PRIMPOL: variants seen among roughly 807,000 people sequenced by gnomAD.
PRIMPOL encodes the protein DNA-directed primase/polymerase protein.
Under a neutral mutation model 63.6 loss-of-function variants are expected in PRIMPOL, and 54 were observed. That is an observed-to-expected ratio of 0.85 (90% CI 0.68 to 1.07). The LOEUF (loss-of-function observed/expected upper bound fraction) is 1.07, where lower values mean the gene tolerates loss of function less well. Ranked by LOEUF, PRIMPOL falls within the 50% of genes least tolerant of loss-of-function variation. The probability of loss-of-function intolerance (pLI) is 0.00; values close to 1 mark genes in which losing one functional copy is unlikely to be tolerated. For synonymous variants in PRIMPOL, 197 were observed against 220.2 expected, an observed-to-expected ratio of 0.89 and a Z score of 0.93; for missense variants, 610 against 648.3, an observed-to-expected ratio of 0.94 and a Z score of 0.64.
At position 184,688,159 on chromosome 4, in the gene PRIMPOL, A is replaced by G. The variant is rs374128954; in HGVS notation, c.1295+2475A>G. 1.5e-4 allele frequency among the ~76,000 whole-genome samples: 23 copies of G among 152,184 alleles called. No individual in the cohort carries two copies. In the East Asian group the frequency reaches 3.3e-3, roughly 22 times the overall value. ...GGGAACCGTGTTGTACATATCACCT[A>G]GTATACATGTGCTAGAGTTTCTCAA... On this transcript the variant is annotated intron_variant, in intron 11 of 13. Coordinates refer to ENST00000314970, the MANE Select transcript of PRIMPOL (RefSeq NM_152683.4).
intron 7 of PRIMPOL, among the ~76,000 whole-genome samples, chr4:184,674,990 ACTCGAGGTT>A (rs1752903044): frequency 6.6e-6 from 1 of 152,252 alleles, no homozygotes; most frequent in South Asian, 2.1e-4. Flanking sequence ...CCATGGTGTT[ACTCGAGGTT>A]TACAATATCG....
chr4:184,674,050 T>C (rs1414855419), intron 7 of PRIMPOL, among the ~76,000 whole-genome samples: 1 of 152,124 alleles, frequency 6.6e-6, no homozygotes, highest in Non-Finnish European at 1.5e-5. Flanking sequence ...TAACAGGAAG[T>C]TGATCCAGGG....
At chr4:184,688,636 G>A (rs2178095) in intron 11 of PRIMPOL, among the ~76,000 whole-genome samples, 11,537 of 152,264 alleles carry the variant, frequency 0.076, 445 homozygotes, top group Middle Eastern at 0.13. Context: ...ACAGCAGGAA[G>A]CACCGAGGTT....
At chr4:184,691,230 C>A in intron 11 of PRIMPOL, 1 of 307,658 alleles carries the variant, frequency 3.3e-6, no homozygotes, top group Non-Finnish European at 5.9e-6. Context: ...ACATATTTTG[C>A]AGCTGTATTA....
At chr4:184,651,290 C>CAAAAAAAAAAAAAAAAAAAAA (rs1203681677) in intron 1 of PRIMPOL, among the ~76,000 whole-genome samples, 1 of 143,930 alleles carries the variant, frequency 6.9e-6, no homozygotes, top group African/African-American at 2.8e-5. Flanking sequence ...GACTCTGTCT[C>CAAAAAAAAAAAAAAAAAAAAA]AAAAAAAAGA....
rs748926386 is a variant in PRIMPOL at position 184,649,784 on chromosome 4, G to A, written c.-262G>A. ...CTTCCGCTCCCAGCGCGGGATTCTGGAGGGAAATTGAGGGAGACTTGGAAA... is the reference window on the plus strand; with the variant it reads ...CTTCCGCTCCCAGCGCGGGATTCTGAAGGGAAATTGAGGGAGACTTGGAAA... On this transcript the variant is annotated 5_prime_UTR_variant, in exon 1 of 14. Transcript: ENST00000314970. 6.6e-6 allele frequency: 1 copy of A among 152,396 alleles called. No homozygotes were observed. Among genetic ancestry groups the A allele is most frequent in the African/African-American group, 2.4e-5 (1 of 41,464 alleles). The allele number at this position is 152,396 out of a possible 1,614,324, so 9.4% of individuals were successfully genotyped here. A position where few individuals can be genotyped will look rare whatever the true frequency, so the allele number is the denominator to read the frequency against.
intron 7 of PRIMPOL, among the ~76,000 whole-genome samples, chr4:184,674,258 A>G (rs1387280970): frequency 1.3e-5 from 2 of 152,194 alleles, no homozygotes; most frequent in Admixed American, 1.3e-4. Context: ...TCCTTGGAAA[A>G]GTTCAGAGAT....
Position 184,691,713 on chromosome 4 carries a change from G to T in PRIMPOL, c.1425+1G>T. 3 of 1,608,390 alleles carry T rather than the reference G, an allele frequency of 1.9e-6. No homozygotes were observed. The highest frequency in any genetic ancestry group is 8.5e-7 in the Non-Finnish European group (1 of 1,176,804). On this transcript the variant is annotated splice_donor_variant, in intron 13 of 13. Transcript: ENST00000314970. LOFTEE classifies it high-confidence loss of function. ...ATGTCTCCTGTTTCTTTTCAAAGAG[G>T]TAAGTACAGATTTTAGTGTCTTTCT...
Position 184,661,862 on chromosome 4 carries a change from C to T in PRIMPOL, c.367C>T (p.Pro123Ser), listed in dbSNP as rs781332058. The change falls in exon 5 of 14, where the codon CCA (proline) becomes TCA (serine). Residue 123 changes from proline to serine, a missense_variant. Around this residue, in one of 3 missense-constraint regions of PRIMPOL, gnomAD observed 159 missense variants for 168.9 expected, o/e 0.94. Coordinates refer to ENST00000314970, the MANE Select transcript of PRIMPOL (RefSeq NM_152683.4). ...FDLEFNKPAN[P>S]GADGKKMVAL... ...TTTGGAATTTAACAAACCTGCCAAC[C>T]CAGGAGCTGATGGGAAAAAGATGGT... The T allele has an allele frequency of 4.3e-6, 7 of 1,613,592 alleles. No homozygotes were observed. The East Asian group carries it at 1.6e-4, about 36-fold the overall frequency.
intron 2 of PRIMPOL, among the ~76,000 whole-genome samples, chr4:184,652,822 A>T (rs1744941242): frequency 6.6e-6 from 1 of 151,652 alleles, no homozygotes; most frequent in Non-Finnish European, 1.5e-5. Context: ...GAGTTGGGGA[A>T]TAGGAATTGA....
intron 6 of PRIMPOL, among the ~76,000 whole-genome samples, chr4:184,671,179 A>C (rs1403795179): frequency 6.6e-6 from 1 of 152,224 alleles, no homozygotes; most frequent in Non-Finnish European, 1.5e-5. Context: ...GTTGAAGTGC[A>C]GTAAATGTAT....
chr4:184,684,609 G>C (rs1406045327), intron 9 of PRIMPOL, among the ~76,000 whole-genome samples: 1 of 152,166 alleles, frequency 6.6e-6, no homozygotes, highest in Non-Finnish European at 1.5e-5. Context: ...GTATTGCCAG[G>C]AAAGCAATGG....
chr4:184,688,416 A>G (rs936260729), intron 11 of PRIMPOL, among the ~76,000 whole-genome samples: 12 of 152,234 alleles, frequency 7.9e-5, no homozygotes, highest in African/African-American at 2.9e-4. Flanking sequence ...CTGATTACTA[A>G]TGAAGTTGAG....
At chr4:184,667,361 A>T (rs59223034) in intron 6 of PRIMPOL, among the ~76,000 whole-genome samples, 1 of 151,646 alleles carries the variant, frequency 6.6e-6, no homozygotes, top group African/African-American at 2.4e-5. Context: ...CCCAGGCTGG[A>T]GTGCAGTGGC....
Position 184,661,855 on chromosome 4 carries a change from T to C in PRIMPOL, c.360T>C (p.Pro120=), listed in dbSNP as rs751350045. The C allele has an allele frequency of 1.2e-6, 2 of 1,613,866 alleles. No individual in the cohort carries two copies. The highest frequency in any genetic ancestry group is 1.7e-6 in the Non-Finnish European group (2 of 1,179,756). The change falls in exon 5 of 14, where the codon CCT becomes CCC. Residue 120 remains proline, a synonymous_variant. Transcript: ENST00000314970. The part of the protein sequence containing the change: ...KLYFDLEFNK[P]ANPGADGKKM... ...ATTTTGATTTGGAATTTAACAAACCTGCCAACCCAGGAGCTGATGGGAAAA... is the reference window on the plus strand; with the variant it reads ...ATTTTGATTTGGAATTTAACAAACCCGCCAACCCAGGAGCTGATGGGAAAA...
At chr4:184,678,499 T>A in intron 8 of PRIMPOL, 105 bp downstream of exon 8, 2 of 825,918 alleles carry the variant, frequency 2.4e-6, no homozygotes, top group Non-Finnish European at 3.7e-6. Context: ...TCATTCTACC[T>A]TAAGAAAATG....
chr4:184,667,712 C>T (rs989816315), intron 6 of PRIMPOL, among the ~76,000 whole-genome samples: 3 of 152,184 alleles, frequency 2.0e-5, no homozygotes, highest in Non-Finnish European at 2.9e-5. Context: ...CACGCAAGTC[C>T]CTCCCCCAGT....
chr4:184,689,197 T>G (rs1023559351), intron 11 of PRIMPOL, among the ~76,000 whole-genome samples: 2 of 150,196 alleles, frequency 1.3e-5, no homozygotes, highest in Non-Finnish European at 2.9e-5. Context: ...TCTCACGTAG[T>G]TTAGACTACA....
chr4:184,661,794 A>C lies in PRIMPOL; in HGVS notation c.299A>C (p.Tyr100Ser), dbSNP rs774512075. The C allele has an allele frequency of 4.3e-6, 7 of 1,611,170 alleles. No individual in the cohort carries two copies. Among genetic ancestry groups the C allele is most frequent in the Middle Eastern group, 1.7e-4 (1 of 6,052 alleles). Residue 100 changes from tyrosine (Y) to serine (S), a missense_variant, in exon 5 of 14, where the codon TAT (tyrosine) becomes TCT (serine). This residue lies in a region of PRIMPOL where 159 missense variants were observed against 168.9 expected (regional missense o/e 0.94). Transcript: ENST00000314970. ...TTTAGAAAAAATCTCTTACACTGCT[A>C]TGAAGTTATTCCTGAAAATGCTGTG... Reference protein sequence around the residue: ...YKSRKNLLHCYEVIPENAVCK... With the variant: ...YKSRKNLLHCSEVIPENAVCK...
Sources: gnomAD v4.1 joint callset for allele counts (sites outside exome capture counted in the v4.1 genomes callset) on GRCh38, gnomAD v4.1.1 for gene constraint, gnomAD v4.1.1 regional missense constraint, MANE v1.5 for transcripts, NCBI Gene and HGNC (gene_info 2026-07-23, HGNC 2026-07-21) for gene names.